The following PARD3B variants were observed in gnomAD, a reference collection of about 807,000 sequenced individuals.
The protein encoded by PARD3B is par-3 family cell polarity regulator beta.
A neutral mutation model predicts 130.2 loss-of-function variants in PARD3B; 103 were observed. That is an observed-to-expected ratio of 0.79 (90% CI 0.67 to 0.93). The LOEUF (loss-of-function observed/expected upper bound fraction) is 0.93, where lower values mean the gene tolerates loss of function less well. PARD3B is among the 40% of genes least tolerant of loss of function. The probability of loss-of-function intolerance (pLI) is 0.00; values close to 1 mark genes in which losing one functional copy is unlikely to be tolerated. For missense variants in PARD3B, 1,609 were observed against 1,499.2 expected, an observed-to-expected ratio of 1.07 and a Z score of -1.21; for synonymous variants, 583 against 553.2, an observed-to-expected ratio of 1.05 and a Z score of -0.76.
At chr2:205,334,035 C>A (rs1239655377) in intron 18 of PARD3B, among the ~76,000 whole-genome samples, 1 of 152,040 alleles carries the variant, frequency 6.6e-6, no homozygotes, top group Admixed American at 6.6e-5. Context: ...CCTCTTTTTC[C>A]TACCCCGTTA....
At chr2:204,738,938 G>A (rs2039877342) in intron 2 of PARD3B, among the ~76,000 whole-genome samples, 1 of 152,104 alleles carries the variant, frequency 6.6e-6, no homozygotes, top group African/African-American at 2.4e-5. Context: ...AATAATTCCA[G>A]GGATGATGTC....
At chr2:205,130,287 A>G (rs2031878369) in intron 10 of PARD3B, among the ~76,000 whole-genome samples, 1 of 152,206 alleles carries the variant, frequency 6.6e-6, no homozygotes, top group Admixed American at 6.5e-5. Flanking sequence ...TATACTTGAA[A>G]TGAAAACTAT....
chr2:205,090,555 G>A (rs1245287363), intron 4 of PARD3B, among the ~76,000 whole-genome samples: 1 of 152,192 alleles, frequency 6.6e-6, no homozygotes, highest in Non-Finnish European at 1.5e-5. Context: ...TGGTGCTGCA[G>A]TCAGCTTCAC....
intron 20 of PARD3B, among the ~76,000 whole-genome samples, chr2:205,493,322 A>G (rs1026179020): frequency 2.0e-5 from 3 of 152,162 alleles, no homozygotes; most frequent in African/African-American, 7.2e-5. Context: ...GACAAAAACA[A>G]AGAACACTCC....
intron 2 of PARD3B, among the ~76,000 whole-genome samples, chr2:204,705,739 A>G (rs2038110375): frequency 1.3e-5 from 2 of 152,214 alleles, no homozygotes; most frequent in South Asian, 2.1e-4. Context: ...TTAGTGAGTC[A>G]TTGTGGTTTG....
At position 205,276,495 on chromosome 2, in the gene PARD3B, A is replaced by G. The variant is rs1375804332; in HGVS notation, c.2186-24035A>G. ...TTCTGAAAGAATTTAAAAGAAGACA[A>G]AGGAGTTGCAGGGAGAAGCAGGTTG... On this transcript the variant is annotated intron_variant, in intron 16 of 22. Transcript: ENST00000406610. The surrounding 1 kb of genome is among the most constrained non-coding windows in gnomAD (Gnocchi z 5.0). Among the ~76,000 whole-genome samples, 1 of 152,208 alleles carries G rather than the reference A, an allele frequency of 6.6e-6. No homozygotes were observed. The highest frequency in any genetic ancestry group is 1.5e-5 in the Non-Finnish European group (1 of 68,032).
chr2:205,132,721 C>G (rs555296905), intron 10 of PARD3B, among the ~76,000 whole-genome samples: 1 of 152,160 alleles, frequency 6.6e-6, no homozygotes, highest in East Asian at 1.9e-4. Context: ...GGATGTGAAT[C>G]CCTGCTTTGC....
Position 205,298,202 on chromosome 2 carries a change from A to T in PARD3B, c.2186-2328A>T, listed in dbSNP as rs1172176198. 3.3e-5 allele frequency among the ~76,000 whole-genome samples: 5 copies of T among 152,166 alleles called. No homozygotes were observed. The East Asian group carries it at 9.6e-4, about 29-fold the overall frequency. ...TGACAGAGAATCAGGGCTTTCTCAG[A>T]TAGTTTTCATCTTCATGTTTTCACT... On this transcript the variant is annotated intron_variant, in intron 16 of 22. Transcript: ENST00000406610.
At chr2:205,101,695 G>T (rs1180545474) in intron 4 of PARD3B, among the ~76,000 whole-genome samples, 2 of 152,178 alleles carry the variant, frequency 1.3e-5, no homozygotes, top group African/African-American at 2.4e-5. Flanking sequence ...ATATTGTTGG[G>T]CCATAAAATG....
At chr2:205,254,038 C>A (rs2039966186) in intron 16 of PARD3B, among the ~76,000 whole-genome samples, 2 of 132,714 alleles carry the variant, frequency 1.5e-5, no homozygotes, top group Admixed American at 1.8e-4. Context: ...AGTAGGACAG[C>A]AAGTCACGTT....
At chr2:205,175,899 G>T (rs35911047) in intron 12 of PARD3B, among the ~76,000 whole-genome samples, 7 of 43,666 alleles carry the variant, frequency 1.6e-4, no homozygotes, top group Admixed American at 4.9e-4. Flanking sequence ...GGAAATATAG[G>T]GGGGGAACCC....
chr2:204,874,417 A>G (rs945962883), intron 2 of PARD3B, among the ~76,000 whole-genome samples: 1 of 152,336 alleles, frequency 6.6e-6, no homozygotes, highest in Admixed American at 6.5e-5. Context: ...TAAAATGGGT[A>G]AAGAACCAGT....
chr2:205,182,472 A>G (rs1032883781), intron 13 of PARD3B, among the ~76,000 whole-genome samples: 3 of 152,108 alleles, frequency 2.0e-5, no homozygotes, highest in African/African-American at 7.2e-5. Flanking sequence ...AAATTTAATG[A>G]TTGTAATAAA....
chr2:205,472,383 T>TA (rs199768926), intron 20 of PARD3B, among the ~76,000 whole-genome samples: 17 of 136,482 alleles, frequency 1.2e-4, no homozygotes, highest in South Asian at 1.0e-3. Flanking sequence ...CAATAATTAG[T>TA]AAAAAAAAGT....
rs897563619 is a variant in PARD3B at position 204,653,802 on chromosome 2, AAAAG to A, written c.121-32376_121-32373del. On this transcript the variant is annotated intron_variant, in intron 1 of 22. Transcript: ENST00000406610. ...CTCTGTCTCAAAAAAAAAAAAAAAA[AAAAG>A]AAGTTGAAATATTCATTCAGCATTC... Among the ~76,000 whole-genome samples the A allele has an allele frequency of 3.3e-5, 5 of 150,630 alleles. No individual in the cohort carries two copies. In the East Asian group the frequency reaches 5.8e-4, roughly 17 times the overall value.
At chr2:204,585,071 A>C (rs2032757443) in intron 1 of PARD3B, among the ~76,000 whole-genome samples, 1 of 152,190 alleles carries the variant, frequency 6.6e-6, no homozygotes, top group Admixed American at 6.5e-5. Context: ...GATGGGAGCC[A>C]AGACTCTAGA....
chr2:205,256,756 AG>A (rs1023237647), intron 16 of PARD3B, among the ~76,000 whole-genome samples: 3 of 152,156 alleles, frequency 2.0e-5, no homozygotes, highest in African/African-American at 2.4e-5. Context: ...GAAGAACCAC[AG>A]GAAAAGGGAG....
At chr2:205,172,662 T>C (rs1308970250) in intron 12 of PARD3B, among the ~76,000 whole-genome samples, 2 of 152,228 alleles carry the variant, frequency 1.3e-5, no homozygotes, top group African/African-American at 4.8e-5. Context: ...TTTATATACT[T>C]TTTTGGTTGA....
chr2:204,802,841 G>A (rs1369428359), intron 2 of PARD3B, among the ~76,000 whole-genome samples: 4 of 151,996 alleles, frequency 2.6e-5, no homozygotes. Flanking sequence ...GCCTGTTGTG[G>A]GGTGAGAGCA....
Sources: gnomAD v4.1 joint callset for allele counts (sites outside exome capture counted in the v4.1 genomes callset) on GRCh38, gnomAD v4.1.1 for gene constraint, Gnocchi (gnomAD v3.1) non-coding constraint, MANE v1.5 for transcripts, NCBI Gene and HGNC (gene_info 2026-07-23, HGNC 2026-07-21) for gene names.